MUTYH: variants seen among roughly 807,000 people sequenced by gnomAD.
The protein encoded by MUTYH is mutY DNA glycosylase.
A neutral mutation model predicts 72.9 loss-of-function variants in MUTYH; 64 were observed. That is an observed-to-expected ratio of 0.88 (90% CI 0.72 to 1.08). The LOEUF (loss-of-function observed/expected upper bound fraction) is 1.08. Ranked by LOEUF, MUTYH falls within the 50% of genes least tolerant of loss-of-function variation. MUTYH has a pLI of 0.00. For missense variants in MUTYH, 633 were observed against 671.0 expected (o/e 0.94, Z 0.63); for synonymous variants, 234 against 263.1 (o/e 0.89, Z 1.07).
upstream of MUTYH, chr1:45,340,257 C>T (rs748689064): frequency 6.2e-7 from 1 of 1,613,788 alleles, no homozygotes; most frequent in Non-Finnish European, 8.5e-7. Flanking sequence ...GGTGTCATGG[C>T]CGCCGACAGT....
chr1:45,331,467 G>A lies in MUTYH; in HGVS notation c.1192C>T (p.Arg398Cys), dbSNP rs150792276. 2,112 of 1,614,058 alleles carry A rather than the reference G, an allele frequency of 1.3e-3. 1 individual carries two copies. Among genetic ancestry groups the A allele is most frequent in the Non-Finnish European group, 1.7e-3 (1,967 of 1,180,046 alleles). ...QRKALLQELQ[R>C]WAGPLPATHL... ...GTGGCTGGGAGGGGCCCAGCCCAAC[G>A]CTGTAGTTCCTGCAGCAGGGCCTTG... Residue 398 changes from arginine to cysteine, a missense_variant, in exon 13 of 16, where the codon CGT (arginine) becomes TGT (cysteine). Arg to Cys is a radical substitution (Grantham distance 180). Coordinates refer to ENST00000456914, the MANE Select transcript of MUTYH (RefSeq NM_001048174.2).
upstream of MUTYH, chr1:45,339,978 C>A (rs1362031886): frequency 1.3e-6 from 2 of 1,529,078 alleles, no homozygotes; most frequent in Non-Finnish European, 1.8e-6. Context: ...AAGATTACCT[C>A]CCGCGAGCTC....
intron 1 of MUTYH, among the ~76,000 whole-genome samples, chr1:45,335,996 T>C (rs1285167001): frequency 1.3e-5 from 2 of 152,166 alleles, no homozygotes; most frequent in Non-Finnish European, 2.9e-5. Flanking sequence ...ATACTTGTTT[T>C]TTCTTCCCCT....
intron 1 of MUTYH, 59 bp from the exon 2 acceptor site, chr1:45,334,570 T>C (rs1645600114): frequency 1.2e-6 from 2 of 1,611,378 alleles, no homozygotes; most frequent in Non-Finnish European, 1.7e-6. Context: ...TTTTGAGGCC[T>C]TCCAAGGGTG....
intron 1 of MUTYH, among the ~76,000 whole-genome samples, chr1:45,338,917 C>T (rs1646435864): frequency 6.6e-6 from 1 of 152,074 alleles, no homozygotes; most frequent in African/African-American, 2.4e-5. Flanking sequence ...GTGCGCACCA[C>T]CATGCCCAAC....
intron 1 of MUTYH, among the ~76,000 whole-genome samples, chr1:45,336,539 C>A (rs567785610): frequency 6.6e-5 from 10 of 152,158 alleles, no homozygotes; most frequent in South Asian, 2.1e-4. Flanking sequence ...ATCTCCCCCC[C>A]ACCCTTAAGA....
At chr1:45,334,967 C>T (rs1214821345) in intron 1 of MUTYH, among the ~76,000 whole-genome samples, 1 of 152,066 alleles carries the variant, frequency 6.6e-6, no homozygotes, top group Non-Finnish European at 1.5e-5. Flanking sequence ...TTCATTTTAT[C>T]CTAGAAGAAA....
At chr1:45,340,251 TC>T, upstream of MUTYH, 1 of 1,613,752 alleles carries the variant, frequency 6.2e-7, no homozygotes, top group Non-Finnish European at 8.5e-7. Flanking sequence ...ACGAGCGGTG[TC>T]ATGGCCGCCG....
intron 1 of MUTYH, among the ~76,000 whole-genome samples, chr1:45,336,596 C>A (rs1037752101): frequency 2.6e-5 from 4 of 151,502 alleles, no homozygotes; most frequent in African/African-American, 7.3e-5. Context: ...TTTGTGAGAT[C>A]CACCCCCTGC....
chr1:45,338,114 G>A, intron 1 of MUTYH: 1 of 500,990 alleles, frequency 2.0e-6, no homozygotes, highest in South Asian at 1.5e-5. Context: ...AATGGAATGA[G>A]ATGGGACTGA....
chr1:45,338,188 T>A (rs1254543250), intron 1 of MUTYH: 2 of 523,558 alleles, frequency 3.8e-6, no homozygotes, highest in African/African-American at 3.8e-5. Flanking sequence ...CAAAGTACCT[T>A]ATAGGCCATT....
rs1553126467 is a variant in MUTYH, at chr1:45,331,726, G to A, written c.1037C>T (p.Thr346Ile). ...RKPPREESSA[T>I]CVLEQPGALG... is the part of the protein sequence containing the mutation. ...GGCCCCAGGCTGTTCCAGAACACAG[G>A]TGGCAGAGCTCTCCTCCCTGGGGGG... The change falls in exon 12 of 16, where the codon ACC becomes ATC. Residue 346 changes from threonine to isoleucine, a missense_variant. Transcript: ENST00000456914. The A allele has an allele frequency of 1.2e-6, 2 of 1,614,076 alleles. No homozygotes were observed. Among genetic ancestry groups the A allele is most frequent in the Non-Finnish European group, 1.7e-6 (2 of 1,180,044 alleles).
Position 45,331,542 on chromosome 1 carries a change from G to T in MUTYH, c.1117C>A (p.Leu373Met), listed in dbSNP as rs1060501334. 1 of 1,614,012 alleles carries T rather than the reference G, an allele frequency of 6.2e-7. No individual in the cohort carries two copies. The highest frequency in any genetic ancestry group is 8.5e-7 in the Non-Finnish European group (1 of 1,180,036). The change falls in exon 13 of 16, where the codon CTG (leucine) becomes ATG (methionine). Residue 373 changes from leucine (L) to methionine (M), a missense_variant. Physicochemically the swap from Leu to Met is conservative, Grantham distance 15. Coordinates refer to ENST00000456914, the MANE Select transcript of MUTYH (RefSeq NM_001048174.2). ...QRPNSGLLAG[L>M]WEFPSVTWEP... is the part of the protein sequence containing the mutation. ...CAGGTCACGGACGGGAACTCCCACA[G>T]TCCTGCCAGCAGACCTGAGAGGGAG...
chr1:45,331,441 C>T lies in MUTYH; in HGVS notation c.1218G>A (p.Thr406=), dbSNP rs751465584. Residue 406 remains threonine (T), a synonymous_variant, in exon 13 of 16, where the codon ACG becomes ACA. Transcript: ENST00000456914. ...LQRWAGPLPA[T]HLRHLGEVVH... ...TTACCTCCCCAAGGTGCCGGAGGTGCGTGGCTGGGAGGGGCCCAGCCCAAC... is the reference window on the plus strand; with the variant it reads ...TTACCTCCCCAAGGTGCCGGAGGTGTGTGGCTGGGAGGGGCCCAGCCCAAC... 1.1e-5 allele frequency: 17 copies of T among 1,614,096 alleles called. No individual in the cohort carries two copies. Among genetic ancestry groups the T allele is most frequent in the Non-Finnish European group, 4.2e-6 (5 of 1,180,040 alleles).
At chr1:45,335,725 C>T (rs1645783819) in intron 1 of MUTYH, among the ~76,000 whole-genome samples, 2 of 151,998 alleles carry the variant, frequency 1.3e-5, no homozygotes, top group South Asian at 2.1e-4. Context: ...CAGACGTGCT[C>T]GCTTGAACCC....
chr1:45,334,606 T>C (rs1253842417), intron 1 of MUTYH, 95 bp from the exon 2 acceptor site: 1 of 1,552,914 alleles, frequency 6.4e-7, no homozygotes. Context: ...TCATCCACCA[T>C]TCACATGGGG....
intron 15 of MUTYH, among the ~76,000 whole-genome samples, 176 bp from the exon 16 acceptor site, chr1:45,329,613 G>C (rs1053826498): frequency 6.6e-6 from 1 of 152,094 alleles, no homozygotes. Context: ...CCTCCAAAAG[G>C]CTGCCTGAGG....
In MUTYH at chr1:45,333,570, G is replaced by A. The variant is rs1570446268; in HGVS notation, c.116-9C>T. The A allele has an allele frequency of 6.2e-7, 1 of 1,612,980 alleles. No individual in the cohort carries two copies. ...CGGCTGCCTGGCCAGGCCTGCTGGG[G>A]CCCCAGGACACTCAGCAATCATCCC... On this transcript the variant is annotated splice_polypyrimidine_tract_variant and intron_variant, in intron 2 of 15. Transcript: ENST00000456914.
chr1:45,333,583 C>A lies in MUTYH; in HGVS notation c.116-22G>T, dbSNP rs1557487793. ...AGGCCTGCTGGGGCCCCAGGACACT[C>A]AGCAATCATCCCTGCACAGGCTGTG... On this transcript the variant is annotated intron_variant, in intron 2 of 15. Transcript: ENST00000456914. 1 of 1,611,948 alleles carries A rather than the reference C, an allele frequency of 6.2e-7. No individual in the cohort carries two copies. Among genetic ancestry groups the A allele is most frequent in the East Asian group, 2.2e-5 (1 of 44,850 alleles).
Sources: allele counts gnomAD v4.1 joint callset (sites outside exome capture counted in the v4.1 genomes callset), GRCh38; gene constraint gnomAD v4.1.1; transcripts MANE v1.5; gene names NCBI Gene and HGNC (gene_info 2026-07-23, HGNC 2026-07-21).